Variants in LRFN5 observed in about 807,000 individuals in gnomAD.
LRFN5 encodes leucine-rich repeat and fibronectin type-III domain-containing protein 5.
LRFN5 carries 24 observed loss-of-function variants against 45.6 expected under a neutral mutation model. The ratio of observed to expected loss-of-function variants is 0.53; its 90% CI spans 0.38 to 0.74. The LOEUF (loss-of-function observed/expected upper bound fraction) is 0.74, where lower values mean the gene tolerates loss of function less well. Among genes scored for constraint, LRFN5 ranks in the 30% least tolerant of loss-of-function variants. The pLI, the probability that LRFN5 is intolerant of heterozygous loss-of-function variation, is 0.00. For synonymous variants in LRFN5, 340 were observed against 313.8 expected (o/e 1.08, Z -0.88); for missense variants, 776 against 861.5 (o/e 0.90, Z 1.24).
intron 2 of LRFN5, among the ~76,000 whole-genome samples, chr14:41,785,655 A>G (rs2084348): frequency 0.5 from 75,604 of 151,928 alleles, 19,478 homozygotes; most frequent in East Asian, 0.91. Flanking sequence ...TTATTATTAC[A>G]TCGTAATATA....
At chr14:41,813,501 A>G (rs763059261) in intron 2 of LRFN5, among the ~76,000 whole-genome samples, 3 of 152,126 alleles carry the variant, frequency 2.0e-5, no homozygotes, top group African/African-American at 4.8e-5. Flanking sequence ...AGCTTCATCC[A>G]TGTCCCTACA....
intron 1 of LRFN5, among the ~76,000 whole-genome samples, chr14:41,615,867 G>T (rs1317079368): frequency 6.6e-6 from 1 of 152,078 alleles, no homozygotes; most frequent in African/African-American, 2.4e-5. Flanking sequence ...TTTGATACAG[G>T]CATGCAATGT....
chr14:41,735,220 G>A (rs1300192591), intron 1 of LRFN5, among the ~76,000 whole-genome samples: 9 of 151,830 alleles, frequency 5.9e-5, no homozygotes, highest in Non-Finnish European at 1.2e-4. Context: ...ATTCCTTTGG[G>A]TTTTGTCTGA....
At chr14:41,740,282 C>T (rs1177942440) in intron 1 of LRFN5, among the ~76,000 whole-genome samples, 1 of 151,806 alleles carries the variant, frequency 6.6e-6, no homozygotes, top group African/African-American at 2.4e-5. Flanking sequence ...AAATATGGAG[C>T]AAAAATCCTC....
intron 2 of LRFN5, among the ~76,000 whole-genome samples, chr14:41,821,575 C>T (rs756835289): frequency 1.3e-5 from 2 of 151,804 alleles, no homozygotes; most frequent in South Asian, 2.1e-4. Flanking sequence ...ATCAGGGATA[C>T]CAGCCTGTAG....
chr14:41,669,642 T>C (rs2138654884), intron 1 of LRFN5, among the ~76,000 whole-genome samples: 1 of 152,102 alleles, frequency 6.6e-6, no homozygotes, highest in East Asian at 1.9e-4. Context: ...TGTAGGACAA[T>C]TTTGAAAGAA....
chr14:41,765,246 G>T (rs1283361307), intron 1 of LRFN5, among the ~76,000 whole-genome samples: 1 of 151,884 alleles, frequency 6.6e-6, no homozygotes, highest in East Asian at 1.9e-4. Context: ...GGAGGCTGAG[G>T]CAGGAGAATG....
At chr14:41,610,933 A>G (rs1314278237) in intron 1 of LRFN5, among the ~76,000 whole-genome samples, 1 of 152,104 alleles carries the variant, frequency 6.6e-6, no homozygotes, top group African/African-American at 2.4e-5. Context: ...TATCATACTT[A>G]CAATATTTGT....
chr14:41,722,974 G>T (rs1254184672), intron 1 of LRFN5, among the ~76,000 whole-genome samples: 1 of 152,190 alleles, frequency 6.6e-6, no homozygotes, highest in Non-Finnish European at 1.5e-5. Flanking sequence ...GCACCCAGAA[G>T]TGTGCCTAGG....
At chr14:41,746,173 A>C (rs183150107) in intron 1 of LRFN5, among the ~76,000 whole-genome samples, 12 of 152,164 alleles carry the variant, frequency 7.9e-5, no homozygotes, top group African/African-American at 2.9e-4. Flanking sequence ...TGTGTGACTT[A>C]TTCCTAGAAT....
chr14:41,650,885 A>AAGAG lies in LRFN5; in HGVS notation c.-197+42334_-197+42337dup, dbSNP rs553509448. ...TCATTAAGCAACAAAGAGACAGAGA[A>AAGAG]AGAGAGAGAGAGAGGGAGGGAGGGA... On this transcript the variant is annotated intron_variant, in intron 1 of 5. Transcript: ENST00000298119. 1.2e-3 allele frequency among the ~76,000 whole-genome samples: 123 copies of AAGAG among 104,894 alleles called. 3 individuals are homozygous for AAGAG. The highest frequency in any genetic ancestry group is 0.011 in the South Asian group (25 of 2,360). The allele number at this position is 104,894 out of a possible 152,430, so 68.8% of individuals were successfully genotyped here.
At chr14:41,819,167 G>A (rs1888026553) in intron 2 of LRFN5, among the ~76,000 whole-genome samples, 1 of 152,124 alleles carries the variant, frequency 6.6e-6, no homozygotes, top group South Asian at 2.1e-4. Context: ...CTTTGCTATA[G>A]TAAATAGTGC....
intron 2 of LRFN5, among the ~76,000 whole-genome samples, chr14:41,874,057 C>G (rs911359887): frequency 6.6e-6 from 1 of 152,142 alleles, no homozygotes; most frequent in Non-Finnish European, 1.5e-5. Flanking sequence ...TATGTCCTTT[C>G]AAGTTGTCAT....
At chr14:41,688,679 A>C (rs1246361999) in intron 1 of LRFN5, among the ~76,000 whole-genome samples, 1 of 150,236 alleles carries the variant, frequency 6.7e-6, no homozygotes, top group African/African-American at 2.5e-5. Flanking sequence ...AAAAAAACAA[A>C]ACAAAACAAA....
chr14:41,882,846 C>CTTTTTTTTT (rs71105409), intron 2 of LRFN5, among the ~76,000 whole-genome samples: 1 of 107,284 alleles, frequency 9.3e-6, no homozygotes, highest in South Asian at 3.3e-4. Context: ...TGTATTTCCT[C>CTTTTTTTTT]TTTTTTTTTT....
chr14:41,771,165 C>T (rs1886072457), intron 2 of LRFN5, among the ~76,000 whole-genome samples: 1 of 150,712 alleles, frequency 6.6e-6, no homozygotes, highest in Non-Finnish European at 1.5e-5. Context: ...CTAGGCCTGG[C>T]CCCTGAAACC....
At chr14:41,643,916 T>C (rs1037160105) in intron 1 of LRFN5, among the ~76,000 whole-genome samples, 1 of 152,214 alleles carries the variant, frequency 6.6e-6, no homozygotes, top group Non-Finnish European at 1.5e-5. Context: ...GTGAATTCTT[T>C]ACTAAATATG....
chr14:41,685,744 T>C (rs1882091307), intron 1 of LRFN5, among the ~76,000 whole-genome samples: 1 of 152,202 alleles, frequency 6.6e-6, no homozygotes, highest in African/African-American at 2.4e-5. Flanking sequence ...TTGCTTGTTT[T>C]TGTCAGATTT....
chr14:41,711,219 C>T (rs1055614441), intron 1 of LRFN5, among the ~76,000 whole-genome samples: 4 of 152,106 alleles, frequency 2.6e-5, no homozygotes, highest in African/African-American at 7.2e-5. Flanking sequence ...CACGCATGCA[C>T]ACATATTTTC....
Sources: allele counts gnomAD v4.1 joint callset (sites outside exome capture counted in the v4.1 genomes callset), GRCh38; gene constraint gnomAD v4.1.1; transcripts MANE v1.5; gene names NCBI Gene and HGNC (gene_info 2026-07-23, HGNC 2026-07-21).